PHKA2: variants seen among roughly 807,000 people sequenced by gnomAD.
PHKA2 encodes phosphorylase kinase regulatory subunit alpha 2.
A neutral mutation model predicts 102.0 loss-of-function variants in PHKA2; 31 were observed. The observed-to-expected ratio is 0.30, with a 90% CI of 0.23 to 0.41. PHKA2 has a LOEUF of 0.41. PHKA2 is among the 10% of genes least tolerant of loss of function. The pLI is 1.00. For missense variants in PHKA2, 858 were observed against 1,023.1 expected (o/e 0.84, Z 2.20); for synonymous variants, 455 against 416.2 (o/e 1.09, Z -1.13).
At chrX:18,901,777 C>T (rs188539905) in intron 26 of PHKA2, among the ~76,000 whole-genome samples, 174 bp from the exon 27 acceptor site, 3 of 109,929 alleles carry the variant, frequency 2.7e-5, no homozygotes, top group East Asian at 2.9e-4. Context: ...AAGGAGTAAA[C>T]GGAAGTGTGC....
In PHKA2 at chrX:18,905,877, G is replaced by T; in HGVS notation, c.2807-18C>A. On this transcript the variant is annotated intron_variant, in intron 25 of 32. Transcript: ENST00000379942. ...CTCTTCTCCTAAAAACAAATATCTTGTAAGTGTCCCAAACACAGGGCTGGT... is the reference window on the plus strand; with the variant it reads ...CTCTTCTCCTAAAAACAAATATCTTTTAAGTGTCCCAAACACAGGGCTGGT... The T allele has an allele frequency of 2.7e-6, 3 of 1,114,780 alleles. No homozygotes were observed. Among genetic ancestry groups the T allele is most frequent in the Admixed American group, 2.2e-5 (1 of 45,909 alleles). 91.9% of individuals were successfully genotyped at this position (1,114,780 alleles called of 1,213,427 possible).
chrX:18,970,092 A>G (rs1481740614), intron 1 of PHKA2, among the ~76,000 whole-genome samples: 1 of 110,625 alleles, frequency 9.0e-6, no homozygotes. Context: ...ATAAAAAATT[A>G]GCCAGGTGTG....
intron 19 of PHKA2, among the ~76,000 whole-genome samples, chrX:18,917,450 C>A (rs963808134): frequency 9.2e-6 from 1 of 108,757 alleles, no homozygotes; most frequent in Non-Finnish European, 1.9e-5. Flanking sequence ...GTACAGACAG[C>A]GTTTCACCAT....
intron 30 of PHKA2, chrX:18,896,278 T>C (rs1262403254): frequency 8.9e-6 from 1 of 111,914 alleles, no homozygotes; most frequent in East Asian, 2.8e-4. Context: ...GGGAGCTGCA[T>C]AAACTCTCTC....
At chrX:18,922,571 C>G (rs2048141045) in intron 17 of PHKA2, among the ~76,000 whole-genome samples, 1 of 111,212 alleles carries the variant, frequency 9.0e-6, no homozygotes, top group Non-Finnish European at 1.9e-5. Flanking sequence ...ATAACAGGGA[C>G]TTAACTTTGG....
At chrX:18,900,343 T>C (rs915762340) in intron 28 of PHKA2, among the ~76,000 whole-genome samples, 1 of 111,657 alleles carries the variant, frequency 9.0e-6, no homozygotes, top group African/African-American at 3.3e-5. Context: ...TCTACTGATA[T>C]AACCAATGAC....
chrX:18,939,295 C>T (rs1046019731), intron 9 of PHKA2, among the ~76,000 whole-genome samples: 1 of 111,234 alleles, frequency 9.0e-6, no homozygotes, highest in African/African-American at 3.3e-5. Flanking sequence ...ACCACCTCAG[C>T]CTCCTGAGTT....
Position 18,935,953 on chromosome X carries a change from G to A in PHKA2, c.1137+102C>T, listed in dbSNP as rs2147946171. On this transcript the variant is annotated intron_variant, in intron 11 of 32. Coordinates refer to ENST00000379942, the MANE Select transcript of PHKA2 (RefSeq NM_000292.3). Reference sequence around the variant, plus strand: ...TTGAAACCATGTTTGGAGAAAAAGTGTTCATTAGTTCGAAAAAGGGGATAA... The same window carrying A: ...TTGAAACCATGTTTGGAGAAAAAGTATTCATTAGTTCGAAAAAGGGGATAA... 3 of 588,663 alleles carry A rather than the reference G, an allele frequency of 5.1e-6. No individual in the cohort carries two copies. The East Asian group carries it at 1.1e-4, about 21-fold the overall frequency. The allele number at this position is 588,663 out of a possible 1,213,427, so 48.5% of individuals were successfully genotyped here.
At chrX:18,976,427 C>T (rs2049091547) in intron 1 of PHKA2, among the ~76,000 whole-genome samples, 1 of 111,680 alleles carries the variant, frequency 9.0e-6, no homozygotes. Context: ...TTTCTTAACA[C>T]TGGTAACCTT....
At chrX:18,918,927 T>A in intron 18 of PHKA2, 73 bp from the exon 19 acceptor site, 1 of 947,638 alleles carries the variant, frequency 1.1e-6, no homozygotes, top group East Asian at 3.1e-5. Flanking sequence ...ATAGTGACCA[T>A]GGGTAGCAAG....
chrX:18,944,208 A>C (rs1330997594), intron 6 of PHKA2, among the ~76,000 whole-genome samples: 1 of 111,667 alleles, frequency 9.0e-6, no homozygotes, highest in Admixed American at 9.5e-5. Context: ...TTCCCAAGTG[A>C]AGTTAGTGTT....
chrX:18,976,225 T>C (rs1281595028), intron 1 of PHKA2, among the ~76,000 whole-genome samples: 2 of 111,293 alleles, frequency 1.8e-5, no homozygotes, highest in Admixed American at 1.9e-4. Context: ...TCCACCTGCC[T>C]TGGCCTCCCA....
chrX:18,974,044 T>C (rs988255291), intron 1 of PHKA2, among the ~76,000 whole-genome samples: 1 of 111,017 alleles, frequency 9.0e-6, no homozygotes, highest in African/African-American at 3.3e-5. Flanking sequence ...TGGTGTGCCC[T>C]GCTTCCCTCG....
intron 5 of PHKA2, among the ~76,000 whole-genome samples, chrX:18,945,692 C>T (rs1381329310): frequency 1.8e-5 from 2 of 111,661 alleles, no homozygotes; most frequent in South Asian, 3.8e-4. Context: ...ACTGAACCTA[C>T]GTGGTATTTA....
In PHKA2 at chrX:18,894,398, G is replaced by A. The variant is rs769750687; in HGVS notation, c.3343C>T (p.Pro1115Ser). 2.2e-5 allele frequency: 26 copies of A among 1,208,079 alleles called. No individual in the cohort carries two copies. The South Asian group carries it at 4.6e-4, about 21-fold the overall frequency. ...LPSSTTREMT[P>S]HEIKFAVHVE... ...TGGACAGCAAACTTGATCTCATGCG[G>A]GGTCATCTACCAAAGGGACAGGCAG... Residue 1115 changes from proline to serine, a missense_variant, in exon 32 of 33, where the codon CCG becomes TCG. Around this residue, in one of 2 missense-constraint regions of PHKA2, gnomAD observed 671 missense variants for 745.2 expected, o/e 0.90. Coordinates refer to ENST00000379942, the MANE Select transcript of PHKA2 (RefSeq NM_000292.3).
At position 18,920,829 on chromosome X, in the gene PHKA2, C is replaced by A. The variant is rs151007677; in HGVS notation, c.1794-628G>T. On this transcript the variant is annotated intron_variant, in intron 17 of 32. Transcript: ENST00000379942. ...GAGGTTCTGCAGGTCCAACCCCACA[C>A]GCTGGGAGCGATTTGCACATACAGA... Among the ~76,000 whole-genome samples, 819 of 112,258 alleles carry A rather than the reference C, an allele frequency of 7.3e-3. 7 individuals are homozygous for A. Among genetic ancestry groups the A allele is most frequent in the African/African-American group, 0.026 (788 of 30,832 alleles).
At chrX:18,922,979 G>A (rs887343136) in intron 17 of PHKA2, among the ~76,000 whole-genome samples, 1 of 109,156 alleles carries the variant, frequency 9.2e-6, no homozygotes, top group African/African-American at 3.4e-5. Flanking sequence ...TTCCATCAGG[G>A]ACCAAACAGA....
intron 1 of PHKA2, among the ~76,000 whole-genome samples, chrX:18,983,272 A>G (rs915674657): frequency 1.8e-5 from 2 of 112,847 alleles, no homozygotes; most frequent in African/African-American, 6.4e-5. Context: ...CTCGGACCAC[A>G]TGGGCAGTGT....
intron 30 of PHKA2, 43 bp downstream of exon 30, chrX:18,897,120 A>T (rs1185561981): frequency 1.7e-6 from 2 of 1,189,845 alleles, no homozygotes; most frequent in African/African-American, 3.5e-5. Context: ...CCAGGACAGT[A>T]AGGGGACGGT....
Sources: gnomAD v4.1 joint callset for allele counts (sites outside exome capture counted in the v4.1 genomes callset) on GRCh38, gnomAD v4.1.1 for gene constraint, gnomAD v4.1.1 regional missense constraint, MANE v1.5 for transcripts, NCBI Gene and HGNC (gene_info 2026-07-23, HGNC 2026-07-21) for gene names.